ATF1: variants seen among roughly 807,000 people sequenced by gnomAD.
ATF1 encodes cyclic AMP-dependent transcription factor ATF-1.
Under a neutral mutation model 34.7 loss-of-function variants are expected in ATF1, and 16 were observed. The observed-to-expected ratio is 0.46, with a 90% CI of 0.31 to 0.70. The LOEUF (loss-of-function observed/expected upper bound fraction) is 0.70. Ranked by LOEUF, ATF1 falls within the 30% of genes least tolerant of loss-of-function variation. The pLI, the probability that ATF1 is intolerant of heterozygous loss-of-function variation, is 0.05. For missense variants in ATF1, 255 were observed against 321.6 expected (o/e 0.79, Z 1.58); for synonymous variants, 105 against 113.1 (o/e 0.93, Z 0.46).
chr12:50,807,903 G>A (rs974992970), intron 3 of ATF1, among the ~76,000 whole-genome samples: 7 of 150,200 alleles, frequency 4.7e-5, no homozygotes, highest in East Asian at 2.0e-4. Context: ...TCCACCTCCC[G>A]GGTTCAAGCA....
chr12:50,805,708 C>T (rs1354639549), intron 3 of ATF1, among the ~76,000 whole-genome samples: 1 of 151,992 alleles, frequency 6.6e-6, no homozygotes, highest in Non-Finnish European at 1.5e-5. Context: ...TTCTTACAGA[C>T]ATTTGCAGGG....
intron 3 of ATF1, among the ~76,000 whole-genome samples, chr12:50,807,808 T>TTTG (rs1941646594): frequency 8.0e-6 from 1 of 125,056 alleles, no homozygotes. Context: ...GTGTGTTTTT[T>TTTG]TTTTGTTTTT....
chr12:50,780,351 T>G (rs1941029385), intron 2 of ATF1, 113 bp downstream of exon 2: 4 of 914,246 alleles, frequency 4.4e-6, no homozygotes, highest in South Asian at 2.0e-5. Flanking sequence ...GTTTTTTGGG[T>G]TTTTTTTTTC....
intron 6 of ATF1, among the ~76,000 whole-genome samples, chr12:50,819,194 A>C (rs1941900502): frequency 6.6e-6 from 1 of 152,250 alleles, no homozygotes; most frequent in African/African-American, 2.4e-5. Flanking sequence ...TTATATTCAT[A>C]CAGTGAACTA....
intron 2 of ATF1, among the ~76,000 whole-genome samples, chr12:50,790,558 G>A (rs370855892): frequency 1.3e-5 from 2 of 152,202 alleles, no homozygotes; most frequent in East Asian, 1.9e-4. Context: ...GAGGAACAGA[G>A]CTGGACATAT....
upstream of ATF1, chr12:50,763,639 TAAAAAAAAAAA>T (rs71086473): frequency 2.6e-5 from 2 of 77,248 alleles, no homozygotes; most frequent in Non-Finnish European, 4.7e-5. Flanking sequence ...AGACTCCATC[TAAAAAAAAAAA>T]AAAAAAAAAA....
intron 2 of ATF1, among the ~76,000 whole-genome samples, chr12:50,789,039 A>G (rs2037924531): frequency 6.6e-6 from 1 of 151,990 alleles, no homozygotes; most frequent in South Asian, 2.1e-4. Context: ...AGCGACTGAT[A>G]CGTAGTTCAG....
chr12:50,796,928 G>A (rs12299989), intron 3 of ATF1, among the ~76,000 whole-genome samples: 7,337 of 152,112 alleles, frequency 0.048, 605 homozygotes, highest in African/African-American at 0.17. Context: ...ACTAAAAAAC[G>A]TGTCTGTGTA....
In ATF1 at chr12:50,800,380, G is replaced by A. The variant is rs527795081; in HGVS notation, c.194+4371G>A. Among the ~76,000 whole-genome samples, 14 of 152,280 alleles carry A rather than the reference G, an allele frequency of 9.2e-5. 1 individual carries two copies. The South Asian group carries it at 2.9e-3, about 32-fold the overall frequency. The stretch of plus-strand genomic sequence containing the variant: ...CAACTGCTAAGAAAATTCTTAAGAC[G>A]AAAGAAAGTTAAGGAATGAAGAAAC... On this transcript the variant is annotated intron_variant, in intron 3 of 6. Coordinates refer to ENST00000262053, the MANE Select transcript of ATF1 (RefSeq NM_005171.5).
At position 50,805,529 on chromosome 12, in the gene ATF1, G is replaced by A. The variant is rs763573137; in HGVS notation, c.195-3927G>A. ...GCCGTGATTGTGCCACTTTACTCCA[G>A]CCTAGGTGACAGAGTGAGACCCTGT... On this transcript the variant is annotated intron_variant, in intron 3 of 6. Transcript: ENST00000262053. Among the ~76,000 whole-genome samples the A allele has an allele frequency of 1.6e-3, 222 of 137,872 alleles. 2 individuals carry two copies. Among genetic ancestry groups the A allele is most frequent in the Non-Finnish European group, 1.4e-3 (90 of 66,306 alleles). The allele number at this position is 137,872 out of a possible 152,430, so 90.4% of individuals were successfully genotyped here. A position where few individuals can be genotyped will look rare whatever the true frequency, so the allele number is the denominator to read the frequency against.
At chr12:50,778,550 C>T (rs1239851919) in intron 1 of ATF1, among the ~76,000 whole-genome samples, 2 of 151,688 alleles carry the variant, frequency 1.3e-5, no homozygotes, top group Non-Finnish European at 2.9e-5. Context: ...ACATACAGTT[C>T]TATAGTGTTA....
chr12:50,810,635 A>G (rs1215524094), intron 4 of ATF1, among the ~76,000 whole-genome samples: 1 of 152,188 alleles, frequency 6.6e-6, no homozygotes, highest in Admixed American at 6.5e-5. Context: ...AACACCGCCA[A>G]TCAAGATTGA....
chr12:50,805,942 G>T (rs1941607124), intron 3 of ATF1, among the ~76,000 whole-genome samples: 1 of 152,096 alleles, frequency 6.6e-6, no homozygotes, highest in African/African-American at 2.4e-5. Flanking sequence ...CCTGAGGTCG[G>T]GAGTTCAACA....
intron 3 of ATF1, 58 bp from the exon 4 acceptor site, chr12:50,809,398 A>AAT: frequency 3.7e-6 from 4 of 1,071,852 alleles, no homozygotes; most frequent in Non-Finnish European, 3.8e-6. Flanking sequence ...AAAAAAAATT[A>AAT]TTTTTGTGAA....
In ATF1 at chr12:50,807,815, T is replaced by G. The variant is rs1406751171; in HGVS notation, c.195-1641T>G. The stretch of plus-strand genomic sequence containing the variant: ...AATTGTGTGTGTGTTTTTTTTTTGT[T>G]TTTTTTTTTTTTTTGAGAGAGTCTC... On this transcript the variant is annotated intron_variant, in intron 3 of 6. Coordinates refer to ENST00000262053, the MANE Select transcript of ATF1 (RefSeq NM_005171.5). Among the ~76,000 whole-genome samples, 24 of 126,290 alleles carry G rather than the reference T, an allele frequency of 1.9e-4. 1 individual carries two copies. The highest frequency in any genetic ancestry group is 6.6e-4 in the East Asian group (3 of 4,568). The allele number at this position is 126,290 out of a possible 152,430, so 82.9% of individuals were successfully genotyped here.
rs71086480 is a variant in ATF1 at position 50,782,687 on chromosome 12, C to CTT, written c.93+2468_93+2469dup. On this transcript the variant is annotated intron_variant, in intron 2 of 6. Transcript: ENST00000262053. ...ATAGGTGTGAGCCACTGTGGCCAGC[C>CTT]TTTTTTTTTTTTTTTTTTTTGAGAC... 2.1e-3 allele frequency among the ~76,000 whole-genome samples: 220 copies of CTT among 102,506 alleles called. 2 individuals carry two copies. The highest frequency in any genetic ancestry group is 3.4e-3 in the Non-Finnish European group (162 of 48,068). 67.2% of individuals were successfully genotyped at this position (102,506 alleles called of 152,430 possible). A position where few individuals can be genotyped will look rare whatever the true frequency, so the allele number is the denominator to read the frequency against.
At chr12:50,773,410 A>T (rs536203812) in intron 1 of ATF1, among the ~76,000 whole-genome samples, 2 of 150,530 alleles carry the variant, frequency 1.3e-5, no homozygotes, top group African/African-American at 2.4e-5. Flanking sequence ...TTATTCTCCA[A>T]ACCTCGCCAA....
rs1330048817 is a variant in ATF1 at position 50,820,576 on chromosome 12, A to G, written c.*797A>G. The stretch of plus-strand genomic sequence containing the variant: ...TTCTGTATGCAGTTGAATATCCATT[A>G]CTTATTCTGCTGTGCTTTAATAGAA... On this transcript the variant is annotated 3_prime_UTR_variant, in exon 7 of 7. Transcript: ENST00000262053. The G allele has an allele frequency of 1.7e-5, 3 of 179,270 alleles. No homozygotes were observed. Among genetic ancestry groups the G allele is most frequent in the Non-Finnish European group, 2.4e-5 (2 of 83,192 alleles). 11.1% of individuals were successfully genotyped at this position (179,270 alleles called of 1,614,324 possible).
At chr12:50,778,925 C>T (rs1271801406) in intron 1 of ATF1, among the ~76,000 whole-genome samples, 2 of 152,164 alleles carry the variant, frequency 1.3e-5, no homozygotes, top group African/African-American at 4.8e-5. Context: ...CCATTTGCTC[C>T]TTCCCTTAGT....
Sources: gnomAD v4.1 joint callset for allele counts (sites outside exome capture counted in the v4.1 genomes callset) on GRCh38, gnomAD v4.1.1 for gene constraint, MANE v1.5 for transcripts, NCBI Gene and HGNC (gene_info 2026-07-23, HGNC 2026-07-21) for gene names.